The following KSR2 variants were observed in gnomAD, a reference collection of about 807,000 sequenced individuals.
The protein encoded by KSR2 is kinase suppressor of ras 2.
KSR2 carries 25 observed loss-of-function variants against 107.8 expected under a neutral mutation model. The ratio of observed to expected loss-of-function variants is 0.23; its 90% CI spans 0.17 to 0.32. The LOEUF is 0.32. Ranked by LOEUF, KSR2 falls within the 10% of genes least tolerant of loss-of-function variation. The pLI, the probability that KSR2 is intolerant of heterozygous loss-of-function variation, is 1.00. For missense variants in KSR2, 887 were observed against 1,268.9 expected (o/e 0.70, Z 4.57); for synonymous variants, 480 against 507.0 (o/e 0.95, Z 0.71).
chr12:117,843,777 G>C (rs1215014332), intron 3 of KSR2, among the ~76,000 whole-genome samples: 1 of 151,996 alleles, frequency 6.6e-6, no homozygotes, highest in Admixed American at 6.6e-5. Context: ...AGCCACAAAG[G>C]GCCAACAACT....
At chr12:117,934,656 G>A (rs965906136) in intron 1 of KSR2, among the ~76,000 whole-genome samples, 5 of 152,062 alleles carry the variant, frequency 3.3e-5, no homozygotes, top group Admixed American at 6.6e-5. Flanking sequence ...CAAACAAAGG[G>A]GCTCAGATGA....
chr12:117,852,866 A>C (rs1171085717), intron 3 of KSR2, among the ~76,000 whole-genome samples: 1 of 152,156 alleles, frequency 6.6e-6, no homozygotes, highest in Non-Finnish European at 1.5e-5. Flanking sequence ...CAGTGGCACA[A>C]TCTCAGCTCA....
rs1353712868 is a variant in KSR2 at position 117,966,617 on chromosome 12, G to GCACACACACACACA, written c.180+1458_180+1459insTGTGTGTGTGTGTG. Among the ~76,000 whole-genome samples the GCACACACACACACA allele has an allele frequency of 3.9e-4, 51 of 130,644 alleles. 1 individual carries two copies. In the East Asian group the frequency reaches 5.8e-3, roughly 15 times the overall value. The allele number at this position is 130,644 out of a possible 152,430, so 85.7% of individuals were successfully genotyped here. ...TGTTCTCTCTCTCTCTCTCTCACAC[G>GCACACACACACACA]CGCACGCACACACACACACACACAC... is the stretch of plus-strand genomic sequence containing the variant. On this transcript the variant is annotated intron_variant, in intron 1 of 19. Coordinates refer to ENST00000339824, the MANE Select transcript of KSR2 (RefSeq NM_173598.6).
At chr12:117,832,055 C>T (rs1293686007) in intron 3 of KSR2, among the ~76,000 whole-genome samples, 2 of 152,112 alleles carry the variant, frequency 1.3e-5, no homozygotes, top group Non-Finnish European at 2.9e-5. Context: ...GAGGCCGAGG[C>T]GGGCAGATTA....
chr12:117,805,652 C>T (rs898850689), intron 3 of KSR2, among the ~76,000 whole-genome samples: 4 of 152,184 alleles, frequency 2.6e-5, no homozygotes, highest in Non-Finnish European at 4.4e-5. Context: ...GTCCCCTAAC[C>T]AGCAGCAGCA....
rs757784587 is a variant in KSR2, at chr12:117,761,380, A to G, written c.617T>C (p.Val206Ala). 2.5e-6 allele frequency: 4 copies of G among 1,604,058 alleles called. No homozygotes were observed. Among genetic ancestry groups the G allele is most frequent in the African/African-American group, 1.4e-5 (1 of 73,988 alleles). The change falls in exon 4 of 20, where the codon GTC (valine) becomes GCC (alanine). Residue 206 changes from valine to alanine, a missense_variant. Coordinates refer to ENST00000339824, the MANE Select transcript of KSR2 (RefSeq NM_173598.6). The part of the protein sequence containing the change: ...SQSPRVPSKC[V>A]QHYCHTSPTP... Reference sequence around the variant, plus strand: ...GGGGCTGGTGTGACAATAGTGCTGGACGCACTTGGACGGGACCCTGGGGCT... The same window carrying G: ...GGGGCTGGTGTGACAATAGTGCTGGGCGCACTTGGACGGGACCCTGGGGCT...
intron 4 of KSR2, among the ~76,000 whole-genome samples, chr12:117,730,849 G>A (rs1426578873): frequency 1.3e-5 from 2 of 152,148 alleles, no homozygotes; most frequent in African/African-American, 2.4e-5. Context: ...GCCTGATCTC[G>A]GCTCGCTACA....
At chr12:117,770,096 G>A (rs1220463100) in intron 3 of KSR2, among the ~76,000 whole-genome samples, 1 of 151,782 alleles carries the variant, frequency 6.6e-6, no homozygotes, top group Non-Finnish European at 1.5e-5. Flanking sequence ...TCCTGGTCTT[G>A]GCAGGTGCTA....
chr12:117,820,101 C>T (rs1477778723), intron 3 of KSR2, among the ~76,000 whole-genome samples: 1 of 152,068 alleles, frequency 6.6e-6, no homozygotes, highest in Non-Finnish European at 1.5e-5. Context: ...TTTTCACAAA[C>T]AAAAACCATT....
Position 117,460,733 on chromosome 12 carries a change from T to A in KSR2, c.*6466A>T, listed in dbSNP as rs1592894107. 6.6e-6 allele frequency: 1 copy of A among 152,214 alleles called. No individual in the cohort carries two copies. The highest frequency in any genetic ancestry group is 1.9e-4 in the East Asian group (1 of 5,194). The allele number at this position is 152,214 out of a possible 1,614,324, so 9.4% of individuals were successfully genotyped here. On this transcript the variant is annotated 3_prime_UTR_variant, in exon 20 of 20. Coordinates refer to ENST00000339824, the MANE Select transcript of KSR2 (RefSeq NM_173598.6). The stretch of plus-strand genomic sequence containing the variant: ...CTGGAGGTGGGTTCCTGGGAATGGA[T>A]GAGCCCAAAGACTCGTTTTTAAAAT...
intron 14 of KSR2, among the ~76,000 whole-genome samples, chr12:117,510,372 A>G (rs1406999774): frequency 6.6e-6 from 1 of 152,204 alleles, no homozygotes; most frequent in Non-Finnish European, 1.5e-5. Context: ...AAATGCACAC[A>G]GTTACCTCTA....
intron 1 of KSR2, among the ~76,000 whole-genome samples, chr12:117,948,607 A>G (rs1286332414): frequency 2.6e-5 from 4 of 152,252 alleles, no homozygotes; most frequent in African/African-American, 4.8e-5. Flanking sequence ...CTATAAATAC[A>G]GACAATTAAT....
intron 5 of KSR2, among the ~76,000 whole-genome samples, chr12:117,595,969 A>T (rs10129056): frequency 0.39 from 59,744 of 151,906 alleles, 13,057 homozygotes; most frequent in African/African-American, 0.59. Flanking sequence ...GACATAGGAA[A>T]GAAGGGCTGA....
intron 1 of KSR2, among the ~76,000 whole-genome samples, chr12:117,918,518 G>A (rs543914322): frequency 6.6e-6 from 1 of 152,276 alleles, no homozygotes; most frequent in East Asian, 1.9e-4. Context: ...GCCAGGCGCG[G>A]TGGCTCACAC....
intron 5 of KSR2, among the ~76,000 whole-genome samples, chr12:117,593,987 G>T (rs879337764): frequency 1.3e-5 from 2 of 152,102 alleles, no homozygotes; most frequent in African/African-American, 2.4e-5. Context: ...TGCCTGCCTG[G>T]GTGTGATGGA....
rs1237236664 is a variant in KSR2 at position 117,539,810 on chromosome 12, T to C, written c.1596A>G (p.Pro532=). The C allele has an allele frequency of 1.9e-6, 3 of 1,609,158 alleles. No individual in the cohort carries two copies. The African/African-American group carries it at 4.0e-5, about 22-fold the overall frequency. Residue 532 remains proline (P), a synonymous_variant, in exon 10 of 20, where the codon CCA becomes CCG. Coordinates refer to ENST00000339824, the MANE Select transcript of KSR2 (RefSeq NM_173598.6). ...TGGCACTAGGAGGGAGGGGGGGTGCTGGCGAGGAGGGCGTGGAGGACGTCG... is the reference window on the plus strand; with the variant it reads ...TGGCACTAGGAGGGAGGGGGGGTGCCGGCGAGGAGGGCGTGGAGGACGTCG... ...SSTTSSTPSS[P]APPLPPSATP...
chr12:117,547,719 T>C (rs1383142419), intron 9 of KSR2, among the ~76,000 whole-genome samples: 2 of 152,108 alleles, frequency 1.3e-5, no homozygotes. Flanking sequence ...CAGGCTTTTG[T>C]TGGGGCTTAT....
intron 14 of KSR2, chr12:117,517,680 C>T: frequency 2.7e-6 from 1 of 372,856 alleles, no homozygotes; most frequent in South Asian, 2.1e-5. Flanking sequence ...CATTTCAGCA[C>T]AATTAAAGGC....
intron 4 of KSR2, 133 bp from the exon 5 acceptor site, chr12:117,667,791 C>CT (rs1357841781): frequency 9.7e-5 from 70 of 720,156 alleles, no homozygotes; most frequent in Non-Finnish European, 1.8e-5. Context: ...AGCCCACAGG[C>CT]TTTTAGGTAG....
Sources: gnomAD v4.1 joint callset for allele counts (sites outside exome capture counted in the v4.1 genomes callset) on GRCh38, gnomAD v4.1.1 for gene constraint, MANE v1.5 for transcripts, NCBI Gene and HGNC (gene_info 2026-07-23, HGNC 2026-07-21) for gene names.